EPHA3: variants seen among roughly 807,000 people sequenced by gnomAD.
EPHA3 encodes the protein ephrin type-A receptor 3.
In EPHA3, 42 loss-of-function variants were observed where a neutral mutation model predicts 107.1. The observed-to-expected ratio is 0.39, with a 90% CI of 0.31 to 0.51. EPHA3 has a LOEUF of 0.51. Ranked by LOEUF, EPHA3 falls within the 20% of genes least tolerant of loss-of-function variation. EPHA3 has a pLI of 0.78. For synonymous variants in EPHA3, 461 were observed against 424.8 expected, an observed-to-expected ratio of 1.09 and a Z score of -1.05; for missense variants, 1,183 against 1,211.2, an observed-to-expected ratio of 0.98 and a Z score of 0.35.
At chr3:89,213,276 T>C (rs1704149454) in intron 3 of EPHA3, among the ~76,000 whole-genome samples, 1 of 151,974 alleles carries the variant, frequency 6.6e-6, no homozygotes. Context: ...CTTAGAAACA[T>C]CTTGCTTAGA....
chr3:89,400,628 T>TGA (rs1446426871), intron 7 of EPHA3, among the ~76,000 whole-genome samples: 2 of 145,122 alleles, frequency 1.4e-5, no homozygotes, highest in African/African-American at 4.9e-5. Flanking sequence ...TGTGTGTGTG[T>TGA]GTGTGAGCGT....
At chr3:89,184,531 G>T (rs1705516806) in intron 2 of EPHA3, among the ~76,000 whole-genome samples, 1 of 151,948 alleles carries the variant, frequency 6.6e-6, no homozygotes, top group Admixed American at 6.6e-5. Context: ...AGCAGTCAAC[G>T]AATTACTTTT....
intron 3 of EPHA3, among the ~76,000 whole-genome samples, chr3:89,261,073 T>C (rs1473514687): frequency 6.6e-6 from 1 of 152,314 alleles, no homozygotes; most frequent in South Asian, 2.1e-4. Context: ...TGATTTTCAG[T>C]AAGGTTTGCT....
chr3:89,448,633 A>G (rs1709925744), intron 13 of EPHA3, among the ~76,000 whole-genome samples: 1 of 152,206 alleles, frequency 6.6e-6, no homozygotes, highest in Non-Finnish European at 1.5e-5. Flanking sequence ...TACTATCCAG[A>G]AGACACTTCA....
At chr3:89,430,988 GCCTTGTAT>G (rs1181154112) in intron 12 of EPHA3, among the ~76,000 whole-genome samples, 154 bp from the exon 13 acceptor site, 2 of 152,054 alleles carry the variant, frequency 1.3e-5, no homozygotes. Context: ...TTTTGTTTCA[GCCTTGTAT>G]CCATTTGCCA....
At chr3:89,247,809 G>A (rs1219544572) in intron 3 of EPHA3, among the ~76,000 whole-genome samples, 1 of 152,000 alleles carries the variant, frequency 6.6e-6, no homozygotes, top group African/African-American at 2.4e-5. Context: ...GCAGATTTAT[G>A]ATCTTCATTG....
At chr3:89,152,798 A>T (rs1434904202) in intron 2 of EPHA3, among the ~76,000 whole-genome samples, 2 of 152,130 alleles carry the variant, frequency 1.3e-5, no homozygotes, top group Non-Finnish European at 2.9e-5. Context: ...TGAACGAAGA[A>T]ATGTAGGCAT....
At chr3:89,302,863 C>T (rs1189704099) in intron 3 of EPHA3, among the ~76,000 whole-genome samples, 8 of 151,954 alleles carry the variant, frequency 5.3e-5, no homozygotes, top group Admixed American at 6.6e-5. Flanking sequence ...TGCATAGTAA[C>T]ATAGTAACAC....
At chr3:89,137,462 G>A (rs1704337766) in intron 2 of EPHA3, among the ~76,000 whole-genome samples, 1 of 151,834 alleles carries the variant, frequency 6.6e-6, no homozygotes, top group African/African-American at 2.4e-5. Context: ...ATTAAATTTA[G>A]TCTATAAAAA....
chr3:89,140,270 C>G (rs971704503), intron 2 of EPHA3, among the ~76,000 whole-genome samples: 3 of 151,806 alleles, frequency 2.0e-5, no homozygotes, highest in African/African-American at 7.3e-5. Flanking sequence ...GTTTCAATTT[C>G]TGTATAAGCC....
At chr3:89,351,914 C>A (rs1292385561) in intron 5 of EPHA3, among the ~76,000 whole-genome samples, 5 of 131,264 alleles carry the variant, frequency 3.8e-5, no homozygotes, top group East Asian at 2.2e-4. Flanking sequence ...TCTGTAAATT[C>A]AAGGCAGATG....
chr3:89,309,494 A>T (rs1423380557), intron 3 of EPHA3, among the ~76,000 whole-genome samples: 3 of 152,046 alleles, frequency 2.0e-5, no homozygotes, highest in Non-Finnish European at 4.4e-5. Context: ...AGCCTCTCAA[A>T]GTCATGAGAT....
At chr3:89,162,335 C>A (rs1008818525) in intron 2 of EPHA3, among the ~76,000 whole-genome samples, 1 of 151,990 alleles carries the variant, frequency 6.6e-6, no homozygotes, top group African/African-American at 2.4e-5. Flanking sequence ...AATAAAGTAC[C>A]TTATTAATTA....
At chr3:89,200,624 T>C (rs1705946591) in intron 2 of EPHA3, among the ~76,000 whole-genome samples, 1 of 152,332 alleles carries the variant, frequency 6.6e-6, no homozygotes, top group South Asian at 2.1e-4. Context: ...ACTGCCCAAA[T>C]TGTTCCTGGC....
intron 15 of EPHA3, among the ~76,000 whole-genome samples, chr3:89,472,012 C>G (rs965828755): frequency 6.6e-6 from 1 of 152,082 alleles, no homozygotes; most frequent in Admixed American, 6.6e-5. Flanking sequence ...ATTCTTTAGA[C>G]AGCAACCTGT....
intron 3 of EPHA3, among the ~76,000 whole-genome samples, chr3:89,218,253 T>C (rs1257799407): frequency 6.6e-6 from 1 of 151,728 alleles, no homozygotes; most frequent in African/African-American, 2.4e-5. Context: ...TCTCCTCATT[T>C]GGCATTAGGT....
chr3:89,381,592 C>T (rs1708510369), intron 5 of EPHA3, among the ~76,000 whole-genome samples: 1 of 151,838 alleles, frequency 6.6e-6, no homozygotes, highest in Non-Finnish European at 1.5e-5. Flanking sequence ...TCACTTGAAC[C>T]TGGGAGGCAG....
At chr3:89,165,667 G>C (rs1234826615) in intron 2 of EPHA3, among the ~76,000 whole-genome samples, 1 of 152,098 alleles carries the variant, frequency 6.6e-6, no homozygotes, top group East Asian at 1.9e-4. Context: ...TTCTCCTTTT[G>C]AATCCTTGAT....
intron 3 of EPHA3, among the ~76,000 whole-genome samples, chr3:89,335,776 A>G (rs1424336032): frequency 2.0e-5 from 3 of 152,200 alleles, no homozygotes; most frequent in Non-Finnish European, 4.4e-5. Context: ...CTTCCACTTG[A>G]AAGATTTTAA....
Sources: allele counts gnomAD v4.1 joint callset (sites outside exome capture counted in the v4.1 genomes callset), GRCh38; gene constraint gnomAD v4.1.1; transcripts MANE v1.5; gene names NCBI Gene and HGNC (gene_info 2026-07-23, HGNC 2026-07-21).